The following KCNT2 variants were observed in gnomAD, a reference collection of about 807,000 sequenced individuals.
KCNT2 encodes potassium channel subfamily T member 2.
A neutral mutation model predicts 153.8 loss-of-function variants in KCNT2; 67 were observed. The observed-to-expected ratio is 0.44, with a 90% CI of 0.36 to 0.53. The LOEUF is 0.53. KCNT2 is among the 20% of genes least tolerant of loss of function. The pLI, the probability that KCNT2 is intolerant of heterozygous loss-of-function variation, is 0.00. For missense variants in KCNT2, 975 were observed against 1,354.8 expected (o/e 0.72, Z 4.40); for synonymous variants, 500 against 458.8 (o/e 1.09, Z -1.15).
chr1:196,277,249 C>T (rs1658654478), intron 25 of KCNT2, among the ~76,000 whole-genome samples: 1 of 152,022 alleles, frequency 6.6e-6, no homozygotes, highest in African/African-American at 2.4e-5. Flanking sequence ...GAGTAAATGA[C>T]TAATAAGTTA....
intron 27 of KCNT2, among the ~76,000 whole-genome samples, chr1:196,231,663 C>T (rs904521971): frequency 1.3e-5 from 2 of 151,714 alleles, no homozygotes; most frequent in Non-Finnish European, 2.9e-5. Context: ...CAAATGTTGT[C>T]AATGGAGACC....
At chr1:196,421,662 A>G (rs1307815559) in intron 12 of KCNT2, among the ~76,000 whole-genome samples, 2 of 152,054 alleles carry the variant, frequency 1.3e-5, no homozygotes, top group African/African-American at 4.8e-5. Flanking sequence ...ATATTTTAAA[A>G]GTTTTCCAAT....
chr1:196,361,637 C>T (rs1006224732), intron 14 of KCNT2, among the ~76,000 whole-genome samples: 1 of 151,968 alleles, frequency 6.6e-6, no homozygotes, highest in African/African-American at 2.4e-5. Context: ...GGGCGCTTCC[C>T]CACTTTGCTG....
intron 1 of KCNT2, among the ~76,000 whole-genome samples, chr1:196,513,561 A>G (rs1310689755): frequency 1.3e-5 from 2 of 152,212 alleles, no homozygotes; most frequent in African/African-American, 4.8e-5. Context: ...ATTCATTTGG[A>G]CTTTTAAGAA....
At chr1:196,484,710 T>A (rs1557995101) in intron 3 of KCNT2, among the ~76,000 whole-genome samples, 1 of 152,072 alleles carries the variant, frequency 6.6e-6, no homozygotes, top group African/African-American at 2.4e-5. Flanking sequence ...GTATAAGGTA[T>A]AAGGAAGGGG....
intron 7 of KCNT2, 60 bp from the exon 8 acceptor site, chr1:196,465,447 C>A: frequency 1.1e-6 from 1 of 900,990 alleles, no homozygotes. Context: ...GCATGAGTTT[C>A]ATTACATTTA....
At chr1:196,274,769 C>T (rs569240295) in intron 25 of KCNT2, among the ~76,000 whole-genome samples, 2 of 151,834 alleles carry the variant, frequency 1.3e-5, no homozygotes, top group South Asian at 2.1e-4. Context: ...TATTAATATG[C>T]TTTAAAAGAT....
At chr1:196,445,017 C>G (rs1211301635) in intron 8 of KCNT2, among the ~76,000 whole-genome samples, 1 of 151,316 alleles carries the variant, frequency 6.6e-6, no homozygotes, top group East Asian at 1.9e-4. Flanking sequence ...GCCCTTTATT[C>G]TCTACAACCT....
intron 1 of KCNT2, among the ~76,000 whole-genome samples, chr1:196,524,648 T>C (rs1228540757): frequency 6.6e-6 from 1 of 152,142 alleles, no homozygotes; most frequent in Non-Finnish European, 1.5e-5. Flanking sequence ...AAGTCATATA[T>C]AATAAGATAT....
At chr1:196,467,373 T>G (rs1677712958) in intron 7 of KCNT2, among the ~76,000 whole-genome samples, 1 of 152,034 alleles carries the variant, frequency 6.6e-6, no homozygotes, top group Non-Finnish European at 1.5e-5. Context: ...AGCAGACTGG[T>G]CATTTAAGGT....
At chr1:196,533,983 C>G (rs926091123) in intron 1 of KCNT2, among the ~76,000 whole-genome samples, 6 of 151,760 alleles carry the variant, frequency 4.0e-5, no homozygotes, top group Non-Finnish European at 7.4e-5. Context: ...CAAAGGTAAT[C>G]TGATTAATTT....
intron 12 of KCNT2, among the ~76,000 whole-genome samples, chr1:196,415,757 A>C (rs1396059546): frequency 6.6e-6 from 1 of 151,826 alleles, no homozygotes; most frequent in Non-Finnish European, 1.5e-5. Context: ...CATGAACATG[A>C]GTTTTTCTTC....
At chr1:196,342,347 A>G in intron 14 of KCNT2, 119 bp from the exon 15 acceptor site, 1 of 725,168 alleles carries the variant, frequency 1.4e-6, no homozygotes, top group Non-Finnish European at 2.1e-6. Flanking sequence ...GCACAATCCA[A>G]AGGAGCATCT....
At chr1:196,285,398 A>G (rs1659561257) in intron 23 of KCNT2, among the ~76,000 whole-genome samples, 1 of 152,194 alleles carries the variant, frequency 6.6e-6, no homozygotes, top group Non-Finnish European at 1.5e-5. Flanking sequence ...TATTAAATAT[A>G]TTAAACACTG....
chr1:196,376,661 A>G (rs566787685), intron 13 of KCNT2, among the ~76,000 whole-genome samples: 1 of 151,976 alleles, frequency 6.6e-6, no homozygotes, highest in Non-Finnish European at 1.5e-5. Context: ...ACTTGATTAC[A>G]TAATTTGGGT....
At chr1:196,474,581 T>C (rs1678371734) in intron 5 of KCNT2, among the ~76,000 whole-genome samples, 1 of 152,212 alleles carries the variant, frequency 6.6e-6, no homozygotes, top group African/African-American at 2.4e-5. Flanking sequence ...TGTTGCTTTT[T>C]GTAATGTGAT....
At chr1:196,266,962 C>A (rs1657598140) in intron 25 of KCNT2, among the ~76,000 whole-genome samples, 1 of 152,210 alleles carries the variant, frequency 6.6e-6, no homozygotes, top group South Asian at 2.1e-4. Flanking sequence ...AAAAATGCTC[C>A]TGCTGCTGTT....
intron 26 of KCNT2, among the ~76,000 whole-genome samples, chr1:196,241,187 T>G (rs74133637): frequency 0.022 from 3,284 of 150,454 alleles, 101 homozygotes; most frequent in African/African-American, 0.076. Context: ...AAGAGGGTTT[T>G]GTTTTGTTTT....
At chr1:196,261,226 T>C (rs772376350) in intron 25 of KCNT2, among the ~76,000 whole-genome samples, 2 of 151,914 alleles carry the variant, frequency 1.3e-5, no homozygotes, top group African/African-American at 4.8e-5. Context: ...GTCACAATGA[T>C]AGAGTGGTTA....
Sources: gnomAD v4.1 joint callset for allele counts (sites outside exome capture counted in the v4.1 genomes callset) on GRCh38, gnomAD v4.1.1 for gene constraint, MANE v1.5 for transcripts, NCBI Gene and HGNC (gene_info 2026-07-23, HGNC 2026-07-21) for gene names.